Variants in TIPIN observed in about 807,000 individuals in gnomAD.
TIPIN encodes TIMELESS interacting protein, also known as TIMELESS-interacting protein.
In TIPIN, 29 loss-of-function variants were observed where a neutral mutation model predicts 35.6. That is an observed-to-expected ratio of 0.82 (90% CI 0.61 to 1.11). The LOEUF (loss-of-function observed/expected upper bound fraction) is 1.11, where lower values mean the gene tolerates loss of function less well. TIPIN is among the 50% of genes most tolerant of loss of function. TIPIN has a pLI of 0.00. For synonymous variants in TIPIN, 102 were observed against 121.5 expected, an observed-to-expected ratio of 0.84 and a Z score of 1.06; for missense variants, 296 against 345.4, an observed-to-expected ratio of 0.86 and a Z score of 1.13.
intron 1 of TIPIN, among the ~76,000 whole-genome samples, chr15:66,375,375 A>G (rs2093292668): frequency 6.6e-6 from 1 of 151,430 alleles, no homozygotes; most frequent in Admixed American, 6.6e-5. Context: ...GGGTCTTGCT[A>G]TGTGGCCCAG....
chr15:66,352,126 T>C lies in TIPIN; in HGVS notation c.212+3A>G, dbSNP rs766349284. 5 of 1,589,358 alleles carry C rather than the reference T, an allele frequency of 3.1e-6. No individual in the cohort carries two copies. In the African/African-American group the frequency reaches 6.8e-5, roughly 21 times the overall value. Reference sequence around the variant, plus strand: ...TAAATGTATAAGAATATAGTAAATGTACCTCTGAGCATCCAGCTTGGGTAT... The same window carrying C: ...TAAATGTATAAGAATATAGTAAATGCACCTCTGAGCATCCAGCTTGGGTAT... On this transcript the variant is annotated splice_donor_region_variant and intron_variant, in intron 3 of 7. Coordinates refer to ENST00000261881, the MANE Select transcript of TIPIN (RefSeq NM_017858.3).
At chr15:66,342,311 A>AAC (rs1490142957) in intron 6 of TIPIN, among the ~76,000 whole-genome samples, 4 of 152,204 alleles carry the variant, frequency 2.6e-5, no homozygotes, top group African/African-American at 9.6e-5. Context: ...ACATTAAACC[A>AAC]ACACATTTCA....
At chr15:66,357,212 ACTGTGCCCG>A (rs2093209715), upstream of TIPIN, among the ~76,000 whole-genome samples, 1 of 152,086 alleles carries the variant, frequency 6.6e-6, no homozygotes, top group African/African-American at 2.4e-5. Flanking sequence ...GGCGTGAGCC[ACTGTGCCCG>A]GCACTTTAAA....
At chr15:66,382,528 C>T (rs2093322037) in intron 1 of TIPIN, among the ~76,000 whole-genome samples, 1 of 152,180 alleles carries the variant, frequency 6.6e-6, no homozygotes, top group Non-Finnish European at 1.5e-5. Flanking sequence ...GCATGTGCCA[C>T]TATGCCTGTC....
chr15:66,370,700 A>C (rs977477076), intron 1 of TIPIN, among the ~76,000 whole-genome samples: 22 of 152,204 alleles, frequency 1.4e-4, no homozygotes, highest in African/African-American at 5.3e-4. Context: ...AAAAAAAGTA[A>C]GGTGGAATTT....
At chr15:66,363,278 C>T (rs1251726857) in intron 1 of TIPIN, among the ~76,000 whole-genome samples, 5 of 151,930 alleles carry the variant, frequency 3.3e-5, no homozygotes, top group African/African-American at 7.3e-5. Context: ...GAGGCCGAGG[C>T]GGGCGGATTG....
intron 6 of TIPIN, among the ~76,000 whole-genome samples, chr15:66,343,993 C>G (rs1393190082): frequency 6.6e-6 from 1 of 152,038 alleles, no homozygotes; most frequent in African/African-American, 2.4e-5. Context: ...AGTGAAACTC[C>G]GTCTCAAAAA....
At chr15:66,369,584 G>A (rs1329440292) in intron 1 of TIPIN, among the ~76,000 whole-genome samples, 2 of 152,046 alleles carry the variant, frequency 1.3e-5, no homozygotes, top group South Asian at 2.1e-4. Flanking sequence ...TCCACATCTC[G>A]TGATCCACCC....
At chr15:66,354,507 A>G (rs766861666) in intron 1 of TIPIN, among the ~76,000 whole-genome samples, 4 of 152,124 alleles carry the variant, frequency 2.6e-5, no homozygotes, top group African/African-American at 9.7e-5. Flanking sequence ...GTCTCCTTCA[A>G]TTGTCCCTAT....
chr15:66,348,288 G>C (rs992386368), intron 6 of TIPIN: 1 of 151,482 alleles, frequency 6.6e-6, no homozygotes, highest in African/African-American at 2.4e-5. Flanking sequence ...TTGCTCCAAA[G>C]GTAATGAGTT....
At chr15:66,382,505 G>T (rs1474737148) in intron 1 of TIPIN, among the ~76,000 whole-genome samples, 1 of 152,184 alleles carries the variant, frequency 6.6e-6, no homozygotes, top group African/African-American at 2.4e-5. Flanking sequence ...CTCCAGAGTA[G>T]CTGGGACTGC....
Position 66,355,480 on chromosome 15 carries a change from T to C in TIPIN, c.-9+1159A>G, listed in dbSNP as rs181172330. 9.1e-3 allele frequency among the ~76,000 whole-genome samples: 1,356 copies of C among 149,634 alleles called. 16 individuals carry two copies. The highest frequency in any genetic ancestry group is 0.031 in the African/African-American group (1,275 of 41,028). On this transcript the variant is annotated intron_variant, in intron 1 of 7. Coordinates refer to ENST00000261881, the MANE Select transcript of TIPIN (RefSeq NM_017858.3). The stretch of plus-strand genomic sequence containing the variant: ...AAAGCAAAGCATCGGCTGGGCGCGG[T>C]GGCTCACGCCGGTAATCCCAGCACT...
intron 1 of TIPIN, among the ~76,000 whole-genome samples, chr15:66,374,629 G>C (rs2093289557): frequency 6.6e-6 from 1 of 152,060 alleles, no homozygotes; most frequent in Non-Finnish European, 1.5e-5. Flanking sequence ...GCCCAGGCTG[G>C]AGTGCAATGG....
chr15:66,339,935 T>C (rs902718681), intron 7 of TIPIN, among the ~76,000 whole-genome samples: 49 of 151,548 alleles, frequency 3.2e-4, no homozygotes, highest in Admixed American at 1.1e-3. Context: ...AGTGGCCCGA[T>C]CTCAGCTCAC....
At chr15:66,367,252 A>C (rs185086702) in intron 1 of TIPIN, among the ~76,000 whole-genome samples, 1,469 of 112,932 alleles carry the variant, frequency 0.013, 55 homozygotes, top group Admixed American at 0.08. Context: ...ATCTATCTAT[A>C]TATCTATATC....
At position 66,352,164 on chromosome 15, in the gene TIPIN, T is replaced by C. The variant is rs137903222; in HGVS notation, c.177A>G (p.Thr59=). 3.7e-6 allele frequency: 6 copies of C among 1,611,140 alleles called. No homozygotes were observed. The Admixed American group carries it at 5.0e-5, about 14-fold the overall frequency. The change falls in exon 3 of 8, where the codon ACA becomes ACG. Residue 59 remains threonine (T), a synonymous_variant. Transcript: ENST00000261881. ...GAPVRVPPKR[T]VKRNIPKLDA... is the part of the protein sequence containing the mutation. ...CCAGCTTGGGTATATTTCTTTTAAC[T>C]GTTCTCTTTGGAGGTACACGAACAG...
At chr15:66,384,411 C>T (rs1259520617) in intron 1 of TIPIN, among the ~76,000 whole-genome samples, 1 of 152,110 alleles carries the variant, frequency 6.6e-6, no homozygotes, top group Non-Finnish European at 1.5e-5. Flanking sequence ...TATCCTGCCT[C>T]AGCCTCCTGA....
intron 1 of TIPIN, among the ~76,000 whole-genome samples, chr15:66,381,297 G>A (rs1319922409): frequency 6.6e-6 from 1 of 152,006 alleles, no homozygotes; most frequent in Non-Finnish European, 1.5e-5. Context: ...AATTAGCCGA[G>A]CGTGGTGGCG....
intron 1 of TIPIN, chr15:66,371,340 C>T (rs1041213396): frequency 2.0e-6 from 2 of 984,772 alleles, no homozygotes; most frequent in Non-Finnish European, 2.4e-6. Context: ...GAGCAAAACC[C>T]ACAAAATTCT....
Sources: gnomAD v4.1 joint callset for allele counts (sites outside exome capture counted in the v4.1 genomes callset) on GRCh38, gnomAD v4.1.1 for gene constraint, MANE v1.5 for transcripts, NCBI Gene and HGNC (gene_info 2026-07-23, HGNC 2026-07-21) for gene names.